Variants in PLAAT3 observed in about 807,000 individuals in gnomAD.
The protein encoded by PLAAT3 is phospholipase A and acyltransferase 3.
In PLAAT3, 21 loss-of-function variants were observed where a neutral mutation model predicts 16.7. The ratio of observed to expected loss-of-function variants is 1.26; its 90% CI spans 0.89 to 1.81. The LOEUF is 1.81. Among genes scored for constraint, PLAAT3 ranks in the 40% most tolerant of loss-of-function variants. The pLI is 0.00. For synonymous variants in PLAAT3, 76 were observed against 81.7 expected (o/e 0.93, Z 0.38); for missense variants, 219 against 213.7 (o/e 1.02, Z -0.16).
intron 2 of PLAAT3, among the ~76,000 whole-genome samples, chr11:63,609,446 T>C (rs923885822): frequency 1.8e-4 from 28 of 152,254 alleles, no homozygotes; most frequent in African/African-American, 6.8e-4. Flanking sequence ...CAAGGATCAC[T>C]TCACCTCTCT....
upstream of PLAAT3, among the ~76,000 whole-genome samples, chr11:63,615,178 G>A (rs796331171): frequency 1.7e-4 from 9 of 52,888 alleles, no homozygotes; most frequent in African/African-American, 4.7e-4. Context: ...GTGTGTATAT[G>A]TGTGTATATA....
At chr11:63,575,069 T>G in intron 4 of PLAAT3, 23 bp from the exon 5 acceptor site, 1 of 1,476,110 alleles carries the variant, frequency 6.8e-7, no homozygotes, top group Non-Finnish European at 9.5e-7. Context: ...AGAGGGTGGG[T>G]CACACTCTGT....
intron 2 of PLAAT3, among the ~76,000 whole-genome samples, chr11:63,610,533 C>T (rs1165953345): frequency 1.3e-5 from 2 of 152,198 alleles, no homozygotes; most frequent in Non-Finnish European, 2.9e-5. Context: ...CCTCTCAGCC[C>T]GTGGCTGAAT....
At chr11:63,580,437 C>T (rs549531961) in intron 4 of PLAAT3, among the ~76,000 whole-genome samples, 11 of 152,100 alleles carry the variant, frequency 7.2e-5, no homozygotes, top group Admixed American at 3.9e-4. Context: ...GGGTGGATCA[C>T]GAGGTCAGGA....
chr11:63,590,310 G>C lies in PLAAT3; in HGVS notation c.177C>G (p.Ile59Met). The change falls in exon 4 of 5, where the codon ATC (isoleucine) becomes ATG (methionine). Residue 59 changes from isoleucine to methionine, a missense_variant. Transcript: ENST00000415826. ...CATCATACAGCAATTCCTTCTTCACGATGGCCTTGTCAGTCAGGGCGGACA... is the reference window on the plus strand; with the variant it reads ...CATCATACAGCAATTCCTTCTTCACCATGGCCTTGTCAGTCAGGGCGGACA... ...SVMSALTDKA[I>M]VKKELLYDVA... 2.5e-6 allele frequency: 4 copies of C among 1,614,042 alleles called. No homozygotes were observed. The highest frequency in any genetic ancestry group is 3.4e-6 in the Non-Finnish European group (4 of 1,179,902).
chr11:63,586,091 C>T (rs182268112), intron 4 of PLAAT3, among the ~76,000 whole-genome samples: 1 of 152,072 alleles, frequency 6.6e-6, no homozygotes, highest in East Asian at 1.9e-4. Flanking sequence ...GTGATGTGCA[C>T]CCATAGTCTC....
intron 2 of PLAAT3, among the ~76,000 whole-genome samples, chr11:63,613,779 A>T (rs1179405364): frequency 2.6e-5 from 4 of 152,244 alleles, no homozygotes; most frequent in Admixed American, 2.0e-4. Context: ...CGTTTCAGGC[A>T]GGGCGCCCCC....
intron 4 of PLAAT3, among the ~76,000 whole-genome samples, chr11:63,576,501 G>A (rs1283866946): frequency 1.3e-5 from 2 of 152,114 alleles, no homozygotes; most frequent in African/African-American, 4.8e-5. Flanking sequence ...CGTGCCTATA[G>A]TCCCAGGTAC....
chr11:63,581,911 T>C (rs148464626), intron 4 of PLAAT3, among the ~76,000 whole-genome samples: 28 of 152,294 alleles, frequency 1.8e-4, no homozygotes, highest in African/African-American at 5.8e-4. Context: ...CCTCTAGAAG[T>C]TGGAAAAGGC....
intron 3 of PLAAT3, among the ~76,000 whole-genome samples, chr11:63,593,086 A>G (rs1198795029): frequency 3.3e-5 from 5 of 152,188 alleles, no homozygotes; most frequent in Non-Finnish European, 7.3e-5. Flanking sequence ...CAGCCAATCA[A>G]TACTGAGGCC....
At position 63,575,039 on chromosome 11, in the gene PLAAT3, T is replaced by C; in HGVS notation, c.395A>G (p.Asp132Gly). 3 of 1,609,060 alleles carry C rather than the reference T, an allele frequency of 1.9e-6. No individual in the cohort carries two copies. The highest frequency in any genetic ancestry group is 1.1e-5 in the South Asian group (1 of 90,962). ...YGVARSDQVR[D>G]VIIAASVAGM... The stretch of plus-strand genomic sequence containing the variant: ...TGCAACGCTTGCAGCGATGATGACA[T>C]CTCTGACCTGCAACAAAGAAGAGGG... The change falls in exon 5 of 5, where the codon GAT (aspartate) becomes GGT (glycine). Residue 132 changes from aspartate (D) to glycine (G), a missense_variant. By Grantham distance (94) the Asp-to-Gly change is moderately conservative (BLOSUM62 -1). Coordinates refer to ENST00000415826, the MANE Select transcript of PLAAT3 (RefSeq NM_001128203.2).
At chr11:63,590,492 G>A in intron 3 of PLAAT3, 124 bp from the exon 4 acceptor site, 1 of 760,926 alleles carries the variant, frequency 1.3e-6, no homozygotes, top group South Asian at 1.7e-5. Context: ...CAAGTGGAAG[G>A]GTCAGACGCA....
At position 63,590,080 on chromosome 11, in the gene PLAAT3, G is replaced by C. The variant is rs762434831; in HGVS notation, c.387+20C>G. 1 of 1,606,912 alleles carries C rather than the reference G, an allele frequency of 6.2e-7. No homozygotes were observed. Among genetic ancestry groups the C allele is most frequent in the East Asian group, 2.2e-5 (1 of 44,762 alleles). On this transcript the variant is annotated intron_variant, in intron 4 of 4. Transcript: ENST00000415826. The stretch of plus-strand genomic sequence containing the variant: ...GAATGGTCTGGTTCCTGGGGAAGGC[G>C]ACACAGGCAGAGGACGCACCTGGTC...
At chr11:63,582,985 G>A (rs1192047210) in intron 4 of PLAAT3, among the ~76,000 whole-genome samples, 1 of 152,042 alleles carries the variant, frequency 6.6e-6, no homozygotes, top group Non-Finnish European at 1.5e-5. Flanking sequence ...ACAAAAATTA[G>A]CCAGGCATGG....
At chr11:63,579,579 T>C (rs1234346404) in intron 4 of PLAAT3, among the ~76,000 whole-genome samples, 1 of 151,824 alleles carries the variant, frequency 6.6e-6, no homozygotes, top group African/African-American at 2.4e-5. Context: ...TGTAGGGACA[T>C]GGATGAAGCT....
chr11:63,613,896 T>A, intron 2 of PLAAT3, 104 bp downstream of exon 2: 1 of 741,922 alleles, frequency 1.3e-6, no homozygotes, highest in Admixed American at 2.1e-5. Context: ...CCCCACATCC[T>A]CGAGGCTCCT....
At chr11:63,613,914 A>C in intron 2 of PLAAT3, 86 bp downstream of exon 2, 1 of 834,114 alleles carries the variant, frequency 1.2e-6, no homozygotes, top group Non-Finnish European at 2.0e-6. Flanking sequence ...CCTCTCTCGG[A>C]AGCAGTAATT....
chr11:63,601,231 T>G (rs1315940289), intron 2 of PLAAT3, among the ~76,000 whole-genome samples: 1 of 151,374 alleles, frequency 6.6e-6, no homozygotes, highest in Non-Finnish European at 1.5e-5. Context: ...TTTTTTTGTA[T>G]TTTTAGTAGA....
intron 3 of PLAAT3, 109 bp downstream of exon 3, chr11:63,597,952 C>T (rs187415049): frequency 1.4e-6 from 1 of 735,500 alleles, no homozygotes; most frequent in Non-Finnish European, 2.4e-6. Context: ...AGACAACTGC[C>T]AGTTGGGAAG....
Sources: allele counts gnomAD v4.1 joint callset (sites outside exome capture counted in the v4.1 genomes callset), GRCh38; gene constraint gnomAD v4.1.1; transcripts MANE v1.5; gene names NCBI Gene and HGNC (gene_info 2026-07-23, HGNC 2026-07-21).